Variants in CDON observed in about 807,000 individuals in gnomAD.
CDON encodes cell adhesion associated, oncogene regulated, also known as cell adhesion molecule-related/down-regulated by oncogenes.
CDON carries 73 observed loss-of-function variants against 120.9 expected under a neutral mutation model. The ratio of observed to expected loss-of-function variants is 0.60; its 90% confidence interval spans 0.50 to 0.73. The LOEUF is 0.73. Among genes scored for constraint, CDON ranks in the 30% least tolerant of loss-of-function variants. The pLI, the probability that CDON is intolerant of heterozygous loss-of-function variation, is 0.00. For missense variants in CDON, 1,470 were observed against 1,587.3 expected, an observed-to-expected ratio of 0.93 and a Z score of 1.26; for synonymous variants, 566 against 573.5, an observed-to-expected ratio of 0.99 and a Z score of 0.19.
In CDON at chr11:125,958,938, C is replaced by G; in HGVS notation, c.*2004G>C. ...ACAGGGTATGTTTTCATATTCTGTGCGCTGGGACTTTGTCCTTTGCTAGTC... is the reference window on the plus strand; with the variant it reads ...ACAGGGTATGTTTTCATATTCTGTGGGCTGGGACTTTGTCCTTTGCTAGTC... On this transcript the variant is annotated 3_prime_UTR_variant, in exon 20 of 20. Coordinates refer to ENST00000531738, the MANE Select transcript of CDON (RefSeq NM_001378964.1). 6.6e-6 allele frequency: 1 copy of G among 152,274 alleles called. No individual in the cohort carries two copies. The allele number at this position is 152,274 out of a possible 1,614,324, so 9.4% of individuals were successfully genotyped here. A position where few individuals can be genotyped will look rare whatever the true frequency, so the allele number is the denominator to read the frequency against.
At chr11:125,966,701 G>A (rs1034898557) in intron 18 of CDON, among the ~76,000 whole-genome samples, 7 of 151,750 alleles carry the variant, frequency 4.6e-5, no homozygotes, top group Non-Finnish European at 7.4e-5. Flanking sequence ...AAAATACAAA[G>A]ACAAAATCAA....
chr11:126,011,716 A>C (rs1451179641), intron 7 of CDON, among the ~76,000 whole-genome samples: 4 of 152,150 alleles, frequency 2.6e-5, no homozygotes, highest in Admixed American at 2.0e-4. Context: ...AGATGTTTTC[A>C]TTTCAATGTG....
At chr11:125,987,641 A>G (rs1462423901) in intron 15 of CDON, among the ~76,000 whole-genome samples, 1 of 152,228 alleles carries the variant, frequency 6.6e-6, no homozygotes, top group African/African-American at 2.4e-5. Flanking sequence ...TTGTAATCAC[A>G]GCTATACTAT....
chr11:125,985,506 T>C (rs1032523202), intron 15 of CDON, among the ~76,000 whole-genome samples: 14 of 152,234 alleles, frequency 9.2e-5, no homozygotes, highest in African/African-American at 3.1e-4. Flanking sequence ...AATGGGGATA[T>C]TAGTAAGAGC....
chr11:126,006,135 C>T, intron 8 of CDON, 78 bp from the exon 9 acceptor site: 2 of 1,311,488 alleles, frequency 1.5e-6, no homozygotes, highest in Non-Finnish European at 2.2e-6. Context: ...GACGTGACTG[C>T]CCTCACTTGT....
At chr11:126,033,929 C>T (rs767125748) in intron 1 of CDON, among the ~76,000 whole-genome samples, 9 of 152,054 alleles carry the variant, frequency 5.9e-5, no homozygotes, top group Non-Finnish European at 1.3e-4. Context: ...TCTGACCTGC[C>T]GCATCACTCC....
intron 18 of CDON, among the ~76,000 whole-genome samples, chr11:125,962,626 C>T (rs191539427): frequency 3.9e-4 from 60 of 152,302 alleles, no homozygotes; most frequent in Admixed American, 1.9e-3. Context: ...CCTGCCTTTA[C>T]GTACAATGTG....
chr11:126,046,328 G>A (rs1176035819), intron 1 of CDON, among the ~76,000 whole-genome samples: 1 of 152,104 alleles, frequency 6.6e-6, no homozygotes, highest in South Asian at 2.1e-4. Flanking sequence ...ACAGAGTATC[G>A]TAAAGTCCAG....
At chr11:126,049,249 C>T (rs2134896126) in intron 1 of CDON, among the ~76,000 whole-genome samples, 1 of 152,248 alleles carries the variant, frequency 6.6e-6, no homozygotes, top group African/African-American at 2.4e-5. Flanking sequence ...GAAAAACTTA[C>T]AGACAAGCAT....
chr11:126,033,094 C>G (rs1006467878), intron 1 of CDON, among the ~76,000 whole-genome samples: 1 of 152,146 alleles, frequency 6.6e-6, no homozygotes, highest in African/African-American at 2.4e-5. Flanking sequence ...ATTCATCTGT[C>G]CACTGCTCTA....
intron 1 of CDON, among the ~76,000 whole-genome samples, chr11:126,044,028 G>A (rs1948335847): frequency 6.6e-6 from 1 of 152,192 alleles, no homozygotes. Context: ...AAGGCCACAT[G>A]ACATTATAGA....
intron 9 of CDON, among the ~76,000 whole-genome samples, chr11:126,005,229 G>A (rs57177238): frequency 0.021 from 3,102 of 149,670 alleles, 111 homozygotes; most frequent in African/African-American, 0.072. Context: ...TGGAACCCGG[G>A]AGGCAGCAGT....
chr11:126,059,789 G>C (rs1481412955), intron 1 of CDON, among the ~76,000 whole-genome samples: 1 of 152,126 alleles, frequency 6.6e-6, no homozygotes, highest in South Asian at 2.1e-4. Context: ...TTTTAGGCAA[G>C]TATAATTAGC....
At position 126,017,321 on chromosome 11, in the gene CDON, G is replaced by A. The variant is rs1273740515; in HGVS notation, c.695C>T (p.Ala232Val). 6.2e-7 allele frequency: 1 copy of A among 1,614,134 alleles called. No individual in the cohort carries two copies. Among genetic ancestry groups the A allele is most frequent in the Non-Finnish European group, 8.5e-7 (1 of 1,179,992 alleles). ...GGTTACAGGGCTACGAGAAAGAACA[G>A]CTAATGCCTGTGAATGGGTGGGGTG... The part of the protein sequence containing the change: ...ILHPTHSQAL[A>V]VLSRSPVTLE... Residue 232 changes from alanine (A) to valine (V), a missense_variant, in exon 6 of 20, where the codon GCT becomes GTT. By Grantham distance (64) the Ala-to-Val change is moderately conservative. Coordinates refer to ENST00000531738, the MANE Select transcript of CDON (RefSeq NM_001378964.1).
At position 126,034,586 on chromosome 11, in the gene CDON, A is replaced by G. The variant is rs1053329618; in HGVS notation, c.-61-11049T>C. Among the ~76,000 whole-genome samples the G allele has an allele frequency of 1.3e-5, 2 of 152,158 alleles. No individual in the cohort carries two copies. The highest frequency in any genetic ancestry group is 3.8e-4 in the East Asian group (2 of 5,200). ...TGTTCCACTCTCTTTCTAAGAGACT[A>G]TTTCTTCCTGCCACTAGAGCACAGG... is the stretch of plus-strand genomic sequence containing the variant. On this transcript the variant is annotated intron_variant, in intron 1 of 19. Coordinates refer to ENST00000531738, the MANE Select transcript of CDON (RefSeq NM_001378964.1). This position sits in a 1 kb window ranked among gnomAD's most constrained non-coding sequence, Gnocchi z 4.5.
chr11:125,961,756 T>C lies in CDON; in HGVS notation c.3599A>G (p.Asp1200Gly), dbSNP rs757066021. 3 of 1,614,102 alleles carry C rather than the reference T, an allele frequency of 1.9e-6. No homozygotes were observed. Among genetic ancestry groups the C allele is most frequent in the Non-Finnish European group, 2.5e-6 (3 of 1,179,950 alleles). ...CQDIVNDVSS[D>G]GSEDPAEFSR... ...GAACTCTGCTGGATCTTCTGAGCCATCAGAGCTGACGTCATTTACAATGTC... is the reference window on the plus strand; with the variant it reads ...GAACTCTGCTGGATCTTCTGAGCCACCAGAGCTGACGTCATTTACAATGTC... The change falls in exon 19 of 20, where the codon GAT becomes GGT. Residue 1200 changes from aspartate to glycine, a missense_variant. Physicochemically the swap from Asp to Gly is moderately conservative, Grantham distance 94. Coordinates refer to ENST00000531738, the MANE Select transcript of CDON (RefSeq NM_001378964.1).
In CDON at chr11:125,958,444, A is replaced by T. The variant is rs2134321440; in HGVS notation, c.*2498T>A. The T allele has an allele frequency of 6.6e-6, 1 of 151,886 alleles. No homozygotes were observed. Among genetic ancestry groups the T allele is most frequent in the Admixed American group, 6.6e-5 (1 of 15,246 alleles). 9.4% of individuals were successfully genotyped at this position (151,886 alleles called of 1,614,324 possible). A position where few individuals can be genotyped will look rare whatever the true frequency, so the allele number is the denominator to read the frequency against. ...CTCCCACACTGTACCATGTCCTCTCATTTCCTGGTGAAGTGACATTAGGTA... is the reference window on the plus strand; with the variant it reads ...CTCCCACACTGTACCATGTCCTCTCTTTTCCTGGTGAAGTGACATTAGGTA... On this transcript the variant is annotated 3_prime_UTR_variant, in exon 20 of 20. Coordinates refer to ENST00000531738, the MANE Select transcript of CDON (RefSeq NM_001378964.1).
At chr11:126,024,248 C>T (rs1448346948) in intron 1 of CDON, among the ~76,000 whole-genome samples, 1 of 152,148 alleles carries the variant, frequency 6.6e-6, no homozygotes, top group Non-Finnish European at 1.5e-5. Flanking sequence ...AGAGCAAACC[C>T]TTAGAGGACA....
At chr11:126,040,814 C>CAAAAAAAAAAAA (rs71048763) in intron 1 of CDON, among the ~76,000 whole-genome samples, 4 of 44,998 alleles carry the variant, frequency 8.9e-5, no homozygotes, top group African/African-American at 3.3e-4. Flanking sequence ...GACTCCGTCT[C>CAAAAAAAAAAAA]AAAAAAAAAA....
Sources: gnomAD v4.1 joint callset for allele counts (sites outside exome capture counted in the v4.1 genomes callset) on GRCh38, gnomAD v4.1.1 for gene constraint, Gnocchi (gnomAD v3.1) non-coding constraint, MANE v1.5 for transcripts, NCBI Gene and HGNC (gene_info 2026-07-23, HGNC 2026-07-21) for gene names.